The following TMEM132D variants were observed in gnomAD, a reference collection of about 807,000 sequenced individuals.
TMEM132D encodes the protein mature OL transmembrane protein.
A neutral mutation model predicts 62.3 loss-of-function variants in TMEM132D; 21 were observed. The ratio of observed to expected loss-of-function variants is 0.34; its 90% CI spans 0.24 to 0.49. TMEM132D has a LOEUF of 0.49. Ranked by LOEUF, TMEM132D falls within the 20% of genes least tolerant of loss-of-function variation. The probability of loss-of-function intolerance (pLI) is 0.99; values close to 1 mark genes in which losing one functional copy is unlikely to be tolerated. For missense variants in TMEM132D, 1,346 were observed against 1,402.8 expected, an observed-to-expected ratio of 0.96 and a Z score of 0.65; for synonymous variants, 621 against 575.6, an observed-to-expected ratio of 1.08 and a Z score of -1.13.
At chr12:129,487,476 A>G (rs1367143735) in intron 3 of TMEM132D, among the ~76,000 whole-genome samples, 1 of 152,172 alleles carries the variant, frequency 6.6e-6, no homozygotes, top group African/African-American at 2.4e-5. Flanking sequence ...TGGGACATCA[A>G]TCATCCTGCA....
chr12:129,619,938 C>G lies in TMEM132D; in HGVS notation c.968+79872G>C, dbSNP rs145492003. ...CAGAGCTTGTCTCTAGAAAGTCATCCAGAATGAGTCCTATTAGGTTACAAT... is the reference window on the plus strand; with the variant it reads ...CAGAGCTTGTCTCTAGAAAGTCATCGAGAATGAGTCCTATTAGGTTACAAT... On this transcript the variant is annotated intron_variant, in intron 2 of 8. Transcript: ENST00000422113. Among the ~76,000 whole-genome samples, 15 of 152,274 alleles carry G rather than the reference C, an allele frequency of 9.9e-5. No individual in the cohort carries two copies. The East Asian group carries it at 2.9e-3, about 29-fold the overall frequency.
intron 5 of TMEM132D, among the ~76,000 whole-genome samples, chr12:129,201,866 G>A (rs552805541): frequency 3.9e-5 from 6 of 152,208 alleles, no homozygotes; most frequent in East Asian, 1.9e-4. Context: ...CTAAGCTAGC[G>A]CCAGGCTGGA....
At chr12:129,741,812 C>A (rs553644898) in intron 1 of TMEM132D, among the ~76,000 whole-genome samples, 30 of 152,266 alleles carry the variant, frequency 2.0e-4, no homozygotes, top group Non-Finnish European at 4.0e-4. Flanking sequence ...AAAATGAGGA[C>A]AGTCTTCAAG....
At chr12:129,725,292 T>C (rs1239117632) in intron 1 of TMEM132D, among the ~76,000 whole-genome samples, 1 of 152,238 alleles carries the variant, frequency 6.6e-6, no homozygotes, top group African/African-American at 2.4e-5. Flanking sequence ...TCATTCACTA[T>C]GTATTTCTAT....
At chr12:129,223,772 T>C (rs766396856) in intron 4 of TMEM132D, among the ~76,000 whole-genome samples, 4 of 152,242 alleles carry the variant, frequency 2.6e-5, no homozygotes, top group Non-Finnish European at 5.9e-5. Flanking sequence ...TCAAGGATGA[T>C]AACGTCTACA....
intron 2 of TMEM132D, among the ~76,000 whole-genome samples, chr12:129,561,750 A>G (rs1877240111): frequency 6.6e-6 from 1 of 152,220 alleles, no homozygotes; most frequent in African/African-American, 2.4e-5. Context: ...AGAAAGGGAA[A>G]CATTCTGTCC....
rs1878963924 is a variant in TMEM132D, at chr12:129,209,570, C to T, written c.1393G>A (p.Glu465Lys). The T allele has an allele frequency of 2.5e-6, 4 of 1,614,090 alleles. No homozygotes were observed. The highest frequency in any genetic ancestry group is 1.7e-6 in the Non-Finnish European group (2 of 1,180,044). The change falls in exon 5 of 9, where the codon GAG becomes AAG. Residue 465 changes from glutamate to lysine, a missense_variant. By Grantham distance (56) the Glu-to-Lys change is moderately conservative (BLOSUM62 1). Transcript: ENST00000422113. ...CTACACTCCACAGACTCCAGCAGCTCTGTCACTGTGCCGTCGTCCTCCACG... is the reference window on the plus strand; with the variant it reads ...CTACACTCCACAGACTCCAGCAGCTTTGTCACTGTGCCGTCGTCCTCCACG... ...VSVEDDGTVT[E>K]LLESVECRSS...
intron 5 of TMEM132D, among the ~76,000 whole-genome samples, chr12:129,160,379 A>G (rs892416173): frequency 1.3e-5 from 2 of 152,242 alleles, no homozygotes; most frequent in Non-Finnish European, 2.9e-5. Context: ...TGGTTCAGAG[A>G]TGGACAAATC....
intron 2 of TMEM132D, among the ~76,000 whole-genome samples, chr12:129,534,009 C>T (rs933124753): frequency 1.3e-5 from 2 of 152,172 alleles, no homozygotes; most frequent in Non-Finnish European, 2.9e-5. Flanking sequence ...TTTTGAAGCA[C>T]GAATCTCAGA....
intron 3 of TMEM132D, among the ~76,000 whole-genome samples, chr12:129,493,304 C>G (rs754048792): frequency 2.0e-5 from 3 of 152,192 alleles, no homozygotes; most frequent in Non-Finnish European, 2.9e-5. Flanking sequence ...ATATCTAAGA[C>G]AGCATTGAAG....
chr12:129,421,656 T>A lies in TMEM132D; in HGVS notation c.1116-83839A>T, dbSNP rs115541824. 1.7e-3 allele frequency among the ~76,000 whole-genome samples: 257 copies of A among 152,360 alleles called. 2 individuals carry two copies. Among genetic ancestry groups the A allele is most frequent in the African/African-American group, 6.1e-3 (253 of 41,586 alleles). On this transcript the variant is annotated intron_variant, in intron 3 of 8. Transcript: ENST00000422113. Reference sequence around the variant, plus strand: ...TGATGTCCTAATGTTGACTTCCTAATGGGCTACATTCTAAAATAAACTTTA... The same window carrying A: ...TGATGTCCTAATGTTGACTTCCTAAAGGGCTACATTCTAAAATAAACTTTA...
intron 2 of TMEM132D, among the ~76,000 whole-genome samples, chr12:129,667,368 C>T (rs1399625784): frequency 6.6e-6 from 1 of 152,126 alleles, no homozygotes; most frequent in East Asian, 1.9e-4. Context: ...GTTTTGTTTT[C>T]TCCTTTGGTT....
At chr12:129,602,314 G>C (rs1303454151) in intron 2 of TMEM132D, among the ~76,000 whole-genome samples, 1 of 152,116 alleles carries the variant, frequency 6.6e-6, no homozygotes, top group Non-Finnish European at 1.5e-5. Context: ...AAACTATGAT[G>C]GATACTAGGA....
At chr12:129,664,082 T>G (rs1049317980) in intron 2 of TMEM132D, among the ~76,000 whole-genome samples, 3 of 152,242 alleles carry the variant, frequency 2.0e-5, no homozygotes, top group African/African-American at 7.2e-5. Context: ...CTATTTCATT[T>G]CTATTTTTAA....
chr12:129,340,481 C>T (rs555103284), intron 3 of TMEM132D, among the ~76,000 whole-genome samples: 18 of 151,642 alleles, frequency 1.2e-4, no homozygotes, highest in Non-Finnish European at 2.2e-4. Flanking sequence ...CAATAGGCCC[C>T]GGTGTGTGAT....
intron 2 of TMEM132D, among the ~76,000 whole-genome samples, chr12:129,607,071 C>CTTTCTTTCT (rs528440775): frequency 7.0e-6 from 1 of 143,026 alleles, no homozygotes; most frequent in Admixed American, 6.9e-5. Context: ...TTCTTTCTTT[C>CTTTCTTTCT]TTTTTTTTTT....
Position 129,356,658 on chromosome 12 carries a change from AAATAAAT to A in TMEM132D, c.1116-18848_1116-18842del, listed in dbSNP as rs1566043548. Among the ~76,000 whole-genome samples the A allele has an allele frequency of 1.6e-3, 233 of 143,946 alleles. 5 individuals are homozygous for A. The highest frequency in any genetic ancestry group is 8.3e-3 in the East Asian group (40 of 4,808). 94.4% of individuals were successfully genotyped at this position (143,946 alleles called of 152,430 possible). A position where few individuals can be genotyped will look rare whatever the true frequency, so the allele number is the denominator to read the frequency against. ...CATGGTGAAACCCTGTCTCTACAAT[AAATAAAT>A]AAATAAATAAATAAATAAATAAATA... is the stretch of plus-strand genomic sequence containing the variant. On this transcript the variant is annotated intron_variant, in intron 3 of 8. Transcript: ENST00000422113.
intron 5 of TMEM132D, among the ~76,000 whole-genome samples, chr12:129,102,696 C>T (rs546552093): frequency 6.6e-6 from 1 of 152,314 alleles, no homozygotes; most frequent in South Asian, 2.1e-4. Context: ...GCCTAATACT[C>T]CTTGGAAACA....
At chr12:129,617,133 T>G (rs1397165670) in intron 2 of TMEM132D, among the ~76,000 whole-genome samples, 3 of 152,212 alleles carry the variant, frequency 2.0e-5, no homozygotes, top group Non-Finnish European at 4.4e-5. Flanking sequence ...TCACAAAGAA[T>G]TTTCTGAATC....
Sources: allele counts gnomAD v4.1 joint callset (sites outside exome capture counted in the v4.1 genomes callset), GRCh38; gene constraint gnomAD v4.1.1; transcripts MANE v1.5; gene names NCBI Gene and HGNC (gene_info 2026-07-23, HGNC 2026-07-21).